Variants in OTULIN observed in about 807,000 individuals in gnomAD.
OTULIN encodes ubiquitin thioesterase otulin.
In OTULIN, 15 loss-of-function variants were observed where a neutral mutation model predicts 39.6. The observed-to-expected ratio is 0.38, with a 90% CI of 0.25 to 0.58. The LOEUF (loss-of-function observed/expected upper bound fraction) is 0.58. Ranked by LOEUF, OTULIN falls within the 20% of genes least tolerant of loss-of-function variation. OTULIN has a pLI of 0.66. For missense variants in OTULIN, 319 were observed against 445.9 expected, an observed-to-expected ratio of 0.72 and a Z score of 2.56; for synonymous variants, 156 against 170.3, an observed-to-expected ratio of 0.92 and a Z score of 0.65.
the OTULIN span, chr5:14,710,342 G>A: frequency 3.3e-5 from 5 of 152,230 alleles, no homozygotes; most frequent in African/African-American, 4.8e-5. Flanking sequence ...CAGGAAAGGC[G>A]AGGGAAAAGC....
At chr5:14,675,921 C>T (rs73749586) in intron 2 of OTULIN, among the ~76,000 whole-genome samples, 1,834 of 152,232 alleles carry the variant, frequency 0.012, 42 homozygotes, top group African/African-American at 0.042. Context: ...CTGGTTTTGT[C>T]GATAAAGATT....
At chr5:14,705,882 A>G in the OTULIN span, 2 of 152,184 alleles carry the variant, frequency 1.3e-5, no homozygotes, top group Non-Finnish European at 2.9e-5. Flanking sequence ...ATGGCCCCAC[A>G]CTTCAGGGAA....
In OTULIN at chr5:14,699,100, G is replaced by A. The variant is rs573632738; in HGVS notation, c.*6052G>A. The A allele has an allele frequency of 6.6e-6, 1 of 152,358 alleles. No homozygotes were observed. Among genetic ancestry groups the A allele is most frequent in the African/African-American group, 2.4e-5 (1 of 41,564 alleles). The allele number at this position is 152,358 out of a possible 1,614,324, so 9.4% of individuals were successfully genotyped here. A position where few individuals can be genotyped will look rare whatever the true frequency, so the allele number is the denominator to read the frequency against. ...GCCCCAATTCTGACCCAGCCCTGCT[G>A]TGTGTTTGCCGCAAAGAGGTTTGGT... On this transcript the variant is annotated 3_prime_UTR_variant, in exon 7 of 7. Coordinates refer to ENST00000284274, the MANE Select transcript of OTULIN (RefSeq NM_138348.6).
chr5:14,666,390 T>C (rs1735845858), intron 1 of OTULIN, among the ~76,000 whole-genome samples: 1 of 152,158 alleles, frequency 6.6e-6, no homozygotes, highest in African/African-American at 2.4e-5. Flanking sequence ...CTATATAGAC[T>C]TAGAGCTGAA....
rs1462152341 is a variant in OTULIN at position 14,692,868 on chromosome 5, T to C, written c.879T>C (p.Leu293=). 6.2e-7 allele frequency: 1 copy of C among 1,613,714 alleles called. No homozygotes were observed. The highest frequency in any genetic ancestry group is 1.3e-5 in the African/African-American group (1 of 74,868). ...TGGLEQVEMF[L]LAYAVRHTIQ... is the part of the protein sequence containing the mutation. ...CTTCTTCCCAGGTTGAAATGTTCCT[T>C]CTTGCCTATGCTGTGCGCCACACCA... Residue 293 remains leucine (L), a synonymous_variant, in exon 7 of 7, where the codon CTT becomes CTC. Transcript: ENST00000284274.
chr5:14,681,834 G>C (rs1736259310), intron 4 of OTULIN, among the ~76,000 whole-genome samples: 1 of 152,174 alleles, frequency 6.6e-6, no homozygotes, highest in African/African-American at 2.4e-5. Flanking sequence ...CAATTTAGTT[G>C]AATTAGAGAG....
At chr5:14,683,038 G>A (rs1736294377) in intron 4 of OTULIN, among the ~76,000 whole-genome samples, 3 of 152,178 alleles carry the variant, frequency 2.0e-5, no homozygotes, top group Admixed American at 1.3e-4. Context: ...GCAAAACCAG[G>A]ATTGATGGGT....
At chr5:14,675,506 G>C (rs1290560575) in intron 2 of OTULIN, among the ~76,000 whole-genome samples, 1 of 152,200 alleles carries the variant, frequency 6.6e-6, no homozygotes, top group African/African-American at 2.4e-5. Context: ...CTACTCTGTG[G>C]TTGTTCAAAA....
Position 14,693,045 on chromosome 5 carries a change from A to G in OTULIN, c.1056A>G (p.Leu352=), listed in dbSNP as rs781363410. 28 of 1,607,382 alleles carry G rather than the reference A, an allele frequency of 1.7e-5. No homozygotes were observed. Among genetic ancestry groups the G allele is most frequent in the Admixed American group, 3.4e-5 (2 of 59,276 alleles). The part of the protein sequence containing the change: ...IPVRVCEETS[L] The stretch of plus-strand genomic sequence containing the variant: ...TCAGAGTGTGTGAGGAGACCAGTCT[A>G]TGAGAGACGCATGCTCCTGACAGCC... Residue 352 remains leucine (L), a synonymous_variant, in exon 7 of 7, where the codon CTA becomes CTG. Coordinates refer to ENST00000284274, the MANE Select transcript of OTULIN (RefSeq NM_138348.6).
chr5:14,686,332 G>A (rs1348192290), intron 4 of OTULIN, among the ~76,000 whole-genome samples: 2 of 151,948 alleles, frequency 1.3e-5, no homozygotes, highest in Non-Finnish European at 2.9e-5. Flanking sequence ...ATGAGGTCTT[G>A]CTCTGTTGCT....
Position 14,690,451 on chromosome 5 carries a change from G to GTATGTTCAGGGCTGCAGTCA in OTULIN, c.864+145_864+164dup. 1.0e-6 allele frequency: 1 copy of GTATGTTCAGGGCTGCAGTCA among 970,956 alleles called. No individual in the cohort carries two copies. The highest frequency in any genetic ancestry group is 1.5e-6 in the Non-Finnish European group (1 of 661,862). The allele number at this position is 970,956 out of a possible 1,614,324, so 60.1% of individuals were successfully genotyped here. On this transcript the variant is annotated intron_variant, in intron 6 of 6. Coordinates refer to ENST00000284274, the MANE Select transcript of OTULIN (RefSeq NM_138348.6). This position sits in a 1 kb window ranked among gnomAD's most constrained non-coding sequence, Gnocchi z 4.5. Reference sequence around the variant, plus strand: ...CTCAGGATGTCATGAGGCTGCAGTTGTATGTTCAGGGCTGCAGTCATCTGA... The same window carrying GTATGTTCAGGGCTGCAGTCA: ...CTCAGGATGTCATGAGGCTGCAGTTGTATGTTCAGGGCTGCAGTCATATGTTCAGGGCTGCAGTCATCTGA...
chr5:14,677,347 A>G (rs1736130452), intron 2 of OTULIN, among the ~76,000 whole-genome samples: 1 of 152,202 alleles, frequency 6.6e-6, no homozygotes, highest in South Asian at 2.1e-4. Context: ...CACTCAGTAA[A>G]TATTTGTTGA....
intron 5 of OTULIN, chr5:14,687,917 T>C (rs762980058): frequency 1.5e-4 from 36 of 234,376 alleles, no homozygotes; most frequent in Non-Finnish European, 2.4e-4. Flanking sequence ...TTAACAAATA[T>C]AGTCTTTGTT....
intron 1 of OTULIN, among the ~76,000 whole-genome samples, chr5:14,665,976 T>G (rs1319606488): frequency 6.6e-6 from 1 of 152,206 alleles, no homozygotes; most frequent in African/African-American, 2.4e-5. Flanking sequence ...AGCATGAGAT[T>G]GGAGGGGAGA....
At chr5:14,691,190 C>A (rs1278400859) in intron 6 of OTULIN, among the ~76,000 whole-genome samples, 1 of 152,250 alleles carries the variant, frequency 6.6e-6, no homozygotes. Context: ...GAATAGCCAA[C>A]CGCTAAAGTA....
At chr5:14,678,886 T>A in intron 3 of OTULIN, 111 bp downstream of exon 3, 1 of 633,302 alleles carries the variant, frequency 1.6e-6, no homozygotes, top group Non-Finnish European at 2.6e-6. Context: ...CTATAGACGT[T>A]GTTATTGGTG....
rs1736660958 is a variant in OTULIN, at chr5:14,696,087, T to C, written c.*3039T>C. The C allele has an allele frequency of 6.6e-6, 1 of 151,868 alleles. No individual in the cohort carries two copies. Among genetic ancestry groups the C allele is most frequent in the African/African-American group, 2.4e-5 (1 of 41,310 alleles). The allele number at this position is 151,868 out of a possible 1,614,324, so 9.4% of individuals were successfully genotyped here. ...ACACCTCTGTTGGGAAAAGCCTTTG[T>C]GAGTTTTTATGTACTTGGTCTTTGT... On this transcript the variant is annotated 3_prime_UTR_variant, in exon 7 of 7. Transcript: ENST00000284274.
chr5:14,678,834 AAT>A (rs1482608099), intron 3 of OTULIN, 59 bp downstream of exon 3: 3 of 1,139,566 alleles, frequency 2.6e-6, no homozygotes, highest in Non-Finnish European at 3.8e-6. Context: ...TAAGTTGTTT[AAT>A]ATGTCATTTG....
At chr5:14,665,521 A>G (rs1451588068) in intron 1 of OTULIN, among the ~76,000 whole-genome samples, 1 of 152,158 alleles carries the variant, frequency 6.6e-6, no homozygotes, top group East Asian at 1.9e-4. Flanking sequence ...TGCTGGTTAG[A>G]TCAATTTCTT....
Sources: allele counts gnomAD v4.1 joint callset (sites outside exome capture counted in the v4.1 genomes callset), GRCh38; gene constraint gnomAD v4.1.1; non-coding constraint Gnocchi (gnomAD v3.1); transcripts MANE v1.5; gene names NCBI Gene and HGNC (gene_info 2026-07-23, HGNC 2026-07-21).